Variants in ASXL2 observed in about 807,000 individuals in gnomAD.
The protein encoded by ASXL2 is ASXL transcriptional regulator 2.
A neutral mutation model predicts 122.0 loss-of-function variants in ASXL2; 23 were observed. The ratio of observed to expected loss-of-function variants is 0.19; its 90% CI spans 0.14 to 0.27. The LOEUF is 0.27. Among genes scored for constraint, ASXL2 ranks in the 10% least tolerant of loss-of-function variants. The probability of loss-of-function intolerance (pLI) is 1.00; values close to 1 mark genes in which losing one functional copy is unlikely to be tolerated. For missense variants in ASXL2, 1,518 were observed against 1,713.8 expected (o/e 0.89, Z 2.02); for synonymous variants, 650 against 637.0 (o/e 1.02, Z -0.31).
intron 9 of ASXL2, among the ~76,000 whole-genome samples, chr2:25,758,911 T>A (rs556092463): frequency 6.6e-6 from 1 of 152,086 alleles, no homozygotes; most frequent in Non-Finnish European, 1.5e-5. Context: ...CTGGCCCACA[T>A]CCTGTTGATA....
rs570097626 is a variant in ASXL2, at chr2:25,760,136, A to G, written c.776-491T>C. On this transcript the variant is annotated intron_variant, in intron 8 of 12. Transcript: ENST00000435504. ...AGTTTCAGGAAATCTGTCCACAACCAGAAGGTTACAATCTTTCAAAAAACT... is the reference window on the plus strand; with the variant it reads ...AGTTTCAGGAAATCTGTCCACAACCGGAAGGTTACAATCTTTCAAAAAACT... Among the ~76,000 whole-genome samples the G allele has an allele frequency of 1.1e-4, 16 of 152,166 alleles. No individual in the cohort carries two copies. In the South Asian group the frequency reaches 2.7e-3, roughly 26 times the overall value.
At position 25,748,095 on chromosome 2, in the gene ASXL2, T is replaced by C. The variant is rs143175079; in HGVS notation, c.1860+1601A>G. Among the ~76,000 whole-genome samples the C allele has an allele frequency of 5.9e-5, 9 of 152,254 alleles. No individual in the cohort carries two copies. The East Asian group carries it at 1.7e-3, about 29-fold the overall frequency. The stretch of plus-strand genomic sequence containing the variant: ...TGGGAGGCTGAGACAGGAGAATCCC[T>C]TGAATCCGGGAGGTGGAGGCTGCAG... On this transcript the variant is annotated intron_variant, in intron 12 of 12. Transcript: ENST00000435504.
intron 4 of ASXL2, among the ~76,000 whole-genome samples, chr2:25,802,089 C>G (rs1039433012): frequency 3.3e-5 from 5 of 152,244 alleles, no homozygotes; most frequent in African/African-American, 1.2e-4. Flanking sequence ...CTGAATCTTT[C>G]CAACTGTGCC....
At chr2:25,805,479 G>A (rs2149174052) in intron 4 of ASXL2, among the ~76,000 whole-genome samples, 1 of 150,924 alleles carries the variant, frequency 6.6e-6, no homozygotes, top group Admixed American at 6.6e-5. Context: ...CTGTCTTTTT[G>A]TACTTATCTA....
chr2:25,829,106 T>A (rs1344545813), intron 3 of ASXL2, among the ~76,000 whole-genome samples: 1 of 151,912 alleles, frequency 6.6e-6, no homozygotes, highest in African/African-American at 2.4e-5. Context: ...GAATAGGAAA[T>A]AAAAAGTAGG....
At position 25,734,057 on chromosome 2, in the gene ASXL2, T is replaced by TG. The variant is rs1559494239; in HGVS notation, c.*7971_*7972insC. The TG allele has an allele frequency of 7.2e-6, 1 of 138,658 alleles. No individual in the cohort carries two copies. Among genetic ancestry groups the TG allele is most frequent in the African/African-American group, 2.7e-5 (1 of 37,054 alleles). The allele number at this position is 138,658 out of a possible 1,614,324, so 8.6% of individuals were successfully genotyped here. A position where few individuals can be genotyped will look rare whatever the true frequency, so the allele number is the denominator to read the frequency against. The stretch of plus-strand genomic sequence containing the variant: ...ATGCAGTCACAGAATTAAGACAGGT[T>TG]TTTTTTTTTTAAAAAAAATAGGTCA... On this transcript the variant is annotated 3_prime_UTR_variant, in exon 13 of 13. Transcript: ENST00000435504.
rs1472422103 is a variant in ASXL2 at position 25,750,029 on chromosome 2, A to G, written c.1527T>C (p.Ala509=). 5 of 1,613,792 alleles carry G rather than the reference A, an allele frequency of 3.1e-6. No individual in the cohort carries two copies. Among genetic ancestry groups the G allele is most frequent in the Non-Finnish European group, 4.2e-6 (5 of 1,179,882 alleles). Residue 509 remains alanine (A), a synonymous_variant, in exon 12 of 13, where the codon GCT becomes GCC. Transcript: ENST00000435504. Reference sequence around the variant, plus strand: ...GGCTTTCACTTTTGTTATAATTAGAAGCTGTGGTGAGATGGTTCTTCTCAG... The same window carrying G: ...GGCTTTCACTTTTGTTATAATTAGAGGCTGTGGTGAGATGGTTCTTCTCAG... ...QESEKNHLTT[A]SNYNKSESQE... is the part of the protein sequence containing the mutation.
At chr2:25,806,189 T>C (rs1438834453) in intron 4 of ASXL2, 40 bp downstream of exon 4, 6 of 1,312,326 alleles carry the variant, frequency 4.6e-6, no homozygotes, top group East Asian at 2.4e-5. Context: ...GGTCACTTCC[T>C]GTTTTTTCTT....
At chr2:25,767,214 A>G (rs2088368106) in intron 8 of ASXL2, among the ~76,000 whole-genome samples, 1 of 152,244 alleles carries the variant, frequency 6.6e-6, no homozygotes, top group South Asian at 2.1e-4. Context: ...TTACACAGAA[A>G]TAAAACATGA....
intron 3 of ASXL2, among the ~76,000 whole-genome samples, chr2:25,830,480 G>T (rs2149186239): frequency 6.6e-6 from 1 of 152,262 alleles, no homozygotes; most frequent in South Asian, 2.1e-4. Flanking sequence ...ACAAAAAGTA[G>T]CTGGGCATGG....
intron 5 of ASXL2, among the ~76,000 whole-genome samples, chr2:25,796,164 A>G (rs2088908517): frequency 6.6e-6 from 1 of 152,206 alleles, no homozygotes; most frequent in Non-Finnish European, 1.5e-5. Context: ...AAAAACATTA[A>G]CAGAGGGATG....
At position 25,856,449 on chromosome 2, in the gene ASXL2, G is replaced by C. The variant is rs997907412; in HGVS notation, c.58-10886C>G. 3.2e-6 allele frequency: 3 copies of C among 923,126 alleles called. No individual in the cohort carries two copies. In the African/African-American group the frequency reaches 5.2e-5, roughly 16 times the overall value. 57.2% of individuals were successfully genotyped at this position (923,126 alleles called of 1,614,324 possible). On this transcript the variant is annotated intron_variant, in intron 1 of 12. Transcript: ENST00000435504. Reference sequence around the variant, plus strand: ...TGGGTCTGTCCAGTGGAGTCCTGGAGTCTCCAGCTTCTCACTTGGCCTTCG... The same window carrying C: ...TGGGTCTGTCCAGTGGAGTCCTGGACTCTCCAGCTTCTCACTTGGCCTTCG...
chr2:25,847,079 T>C (rs554074354), intron 1 of ASXL2, among the ~76,000 whole-genome samples: 1 of 152,360 alleles, frequency 6.6e-6, no homozygotes, highest in Admixed American at 6.5e-5. Flanking sequence ...TACATTTATA[T>C]ATGAAACAAA....
chr2:25,749,924 C>T lies in ASXL2; in HGVS notation c.1632G>A (p.Ala544=), dbSNP rs776599325. 10 of 1,613,756 alleles carry T rather than the reference C, an allele frequency of 6.2e-6. No homozygotes were observed. Among genetic ancestry groups the T allele is most frequent in the Admixed American group, 1.7e-5 (1 of 59,992 alleles). The part of the protein sequence containing the change: ...EKPIVKPTAG[A]GPQETNMKEP... Reference sequence around the variant, plus strand: ...CTTTCATATTAGTCTCCTGTGGACCCGCTCCTGCTGTGGGCTTCACTATTG... The same window carrying T: ...CTTTCATATTAGTCTCCTGTGGACCTGCTCCTGCTGTGGGCTTCACTATTG... Residue 544 remains alanine, a synonymous_variant, in exon 12 of 13, where the codon GCG becomes GCA. Transcript: ENST00000435504.
At position 25,781,969 on chromosome 2, in the gene ASXL2, T is replaced by TC. The variant is rs1313320887; in HGVS notation, c.404-10430_404-10429insG. ...GAGCCACCGCCCGGGCTTTTTTCTT[T>TC]TTTTTTTTTTTTTTTTGTAGAGACA... is the stretch of plus-strand genomic sequence containing the variant. On this transcript the variant is annotated intron_variant, in intron 5 of 12. Coordinates refer to ENST00000435504, the MANE Select transcript of ASXL2 (RefSeq NM_018263.6). Among the ~76,000 whole-genome samples, 27 of 134,488 alleles carry TC rather than the reference T, an allele frequency of 2.0e-4. 2 individuals carry two copies. Among genetic ancestry groups the TC allele is most frequent in the Admixed American group, 1.1e-3 (15 of 13,476 alleles). The allele number at this position is 134,488 out of a possible 152,430, so 88.2% of individuals were successfully genotyped here. A position where few individuals can be genotyped will look rare whatever the true frequency, so the allele number is the denominator to read the frequency against.
At position 25,741,976 on chromosome 2, in the gene ASXL2, C is replaced by A. The variant is rs906557790; in HGVS notation, c.*53G>T. ...TTCCAAAAGGACGCAAAAAACCCAACTGGTCAACCCTTCCCTTCCCCCTCC... is the reference window on the plus strand; with the variant it reads ...TTCCAAAAGGACGCAAAAAACCCAAATGGTCAACCCTTCCCTTCCCCCTCC... On this transcript the variant is annotated 3_prime_UTR_variant, in exon 13 of 13. Coordinates refer to ENST00000435504, the MANE Select transcript of ASXL2 (RefSeq NM_018263.6). The A allele has an allele frequency of 2.6e-6, 4 of 1,523,320 alleles. No individual in the cohort carries two copies. The African/African-American group carries it at 4.2e-5, about 16-fold the overall frequency. 94.4% of individuals were successfully genotyped at this position (1,523,320 alleles called of 1,614,324 possible).
chr2:25,734,442 C>T lies in ASXL2; in HGVS notation c.*7587G>A, dbSNP rs1272287827. 1 of 152,144 alleles carries T rather than the reference C, an allele frequency of 6.6e-6. No homozygotes were observed. The highest frequency in any genetic ancestry group is 1.5e-5 in the Non-Finnish European group (1 of 68,026). The allele number at this position is 152,144 out of a possible 1,614,324, so 9.4% of individuals were successfully genotyped here. ...CTGCTGACTTCGGGTCAAAGCCCAA[C>T]TCTATTATAATTTCCAAGCTCTAGG... On this transcript the variant is annotated 3_prime_UTR_variant, in exon 13 of 13. Transcript: ENST00000435504.
intron 1 of ASXL2, among the ~76,000 whole-genome samples, chr2:25,869,122 G>A (rs1373949788): frequency 3.3e-5 from 5 of 150,990 alleles, no homozygotes; most frequent in Admixed American, 6.6e-5. Flanking sequence ...CCGAGATCAC[G>A]CCATTGCACT....
rs907673806 is a variant in ASXL2 at position 25,781,671 on chromosome 2, T to C, written c.404-10131A>G. ...CTGGGACTACAGGTACACACCTGGC[T>C]TTTTTTTTTTTTTTTGAGACAGAGT... On this transcript the variant is annotated intron_variant, in intron 5 of 12. Transcript: ENST00000435504. Among the ~76,000 whole-genome samples the C allele has an allele frequency of 6.1e-5, 4 of 65,534 alleles. No homozygotes were observed. In the East Asian group the frequency reaches 1.0e-3, roughly 17 times the overall value. The allele number at this position is 65,534 out of a possible 152,430, so 43.0% of individuals were successfully genotyped here.
Sources: allele counts gnomAD v4.1 joint callset (sites outside exome capture counted in the v4.1 genomes callset), GRCh38; gene constraint gnomAD v4.1.1; transcripts MANE v1.5; gene names NCBI Gene and HGNC (gene_info 2026-07-23, HGNC 2026-07-21).